PDE4D: variants seen among roughly 807,000 people sequenced by gnomAD.
PDE4D encodes 3',5'-cyclic-AMP phosphodiesterase 4D.
PDE4D carries 24 observed loss-of-function variants against 87.4 expected under a neutral mutation model. That is an observed-to-expected ratio of 0.27 (90% CI 0.20 to 0.39). PDE4D has a LOEUF of 0.39. Among genes scored for constraint, PDE4D ranks in the 10% least tolerant of loss-of-function variants. PDE4D has a pLI of 1.00. For synonymous variants in PDE4D, 384 were observed against 383.2 expected (o/e 1.00, Z -0.02); for missense variants, 714 against 1,041.0 (o/e 0.69, Z 4.32).
At chr5:59,545,974 C>T (rs1172588782) in intron 1 of PDE4D, among the ~76,000 whole-genome samples, 3 of 152,118 alleles carry the variant, frequency 2.0e-5, no homozygotes, top group Non-Finnish European at 2.9e-5. Flanking sequence ...TGAGTCCACC[C>T]CTTCGTATTC....
At chr5:59,528,894 G>C in intron 1 of PDE4D, 1 of 338,584 alleles carries the variant, frequency 3.0e-6, no homozygotes, top group South Asian at 2.4e-5. Flanking sequence ...CATCGCACCT[G>C]GCCACTCTGC....
At chr5:58,982,035 C>T (rs768168232) in intron 11 of PDE4D, among the ~76,000 whole-genome samples, 2 of 152,156 alleles carry the variant, frequency 1.3e-5, no homozygotes, top group Non-Finnish European at 2.9e-5. Flanking sequence ...TCCAGTTCAA[C>T]GGAATCACTG....
At chr5:60,433,019 G>A (rs888127564) in intron 1 of PDE4D, among the ~76,000 whole-genome samples, 4 of 152,072 alleles carry the variant, frequency 2.6e-5, no homozygotes, top group African/African-American at 9.7e-5. Flanking sequence ...CATAGGCCCT[G>A]GCAAAGATTT....
chr5:59,453,866 T>C (rs1231651730), intron 1 of PDE4D, among the ~76,000 whole-genome samples: 2 of 152,230 alleles, frequency 1.3e-5, no homozygotes, highest in Non-Finnish European at 2.9e-5. Flanking sequence ...CAAACTTTTA[T>C]TGGAAGAAGA....
intron 1 of PDE4D, among the ~76,000 whole-genome samples, chr5:59,561,565 G>C (rs2153691840): frequency 6.6e-6 from 1 of 152,316 alleles, no homozygotes; most frequent in African/African-American, 2.4e-5. Flanking sequence ...GTTTAAAGAA[G>C]AGGGTGTACA....
intron 1 of PDE4D, among the ~76,000 whole-genome samples, chr5:59,754,713 T>C (rs924372967): frequency 2.6e-5 from 4 of 151,428 alleles, no homozygotes; most frequent in African/African-American, 9.7e-5. Flanking sequence ...CATTGAGACA[T>C]ACTTTTTAAA....
intron 1 of PDE4D, among the ~76,000 whole-genome samples, chr5:60,390,062 C>A (rs993938018): frequency 6.6e-6 from 1 of 152,230 alleles, no homozygotes; most frequent in African/African-American, 2.4e-5. Context: ...CTTCCCGGGG[C>A]AAGTGTGTGG....
intron 5 of PDE4D, among the ~76,000 whole-genome samples, chr5:59,168,433 A>T (rs1782229886): frequency 6.6e-6 from 1 of 152,138 alleles, no homozygotes. Context: ...GCCCCTGGGC[A>T]CTCTGGTGAC....
intron 1 of PDE4D, among the ~76,000 whole-genome samples, chr5:59,570,395 G>T (rs1460371371): frequency 6.6e-6 from 1 of 151,934 alleles, no homozygotes; most frequent in Non-Finnish European, 1.5e-5. Context: ...AATAATTCAA[G>T]GACACATTCG....
rs1580001671 is a variant in PDE4D at position 58,972,632 on chromosome 5, A to G, written c.*2032T>C. ...TTGTCAGATACCCACTTTGGCTTCT[A>G]TCTATCTCAATTCTTGAATATCAAT... is the stretch of plus-strand genomic sequence containing the variant. On this transcript the variant is annotated 3_prime_UTR_variant, in exon 15 of 15. Transcript: ENST00000340635. The G allele has an allele frequency of 6.6e-6, 1 of 152,194 alleles. No individual in the cohort carries two copies. Among genetic ancestry groups the G allele is most frequent in the South Asian group, 2.1e-4 (1 of 4,832 alleles). The allele number at this position is 152,194 out of a possible 1,614,324, so 9.4% of individuals were successfully genotyped here.
At chr5:60,318,266 G>A (rs1302709595) in intron 1 of PDE4D, among the ~76,000 whole-genome samples, 2 of 152,098 alleles carry the variant, frequency 1.3e-5, no homozygotes, top group Admixed American at 6.6e-5. Context: ...TTTGATCTTT[G>A]TTGGTTTAAA....
chr5:60,419,263 A>G (rs1195168906), intron 1 of PDE4D, among the ~76,000 whole-genome samples: 1 of 152,196 alleles, frequency 6.6e-6, no homozygotes, highest in African/African-American at 2.4e-5. Context: ...AATTCATGGT[A>G]TTTCATAAAA....
At chr5:59,339,105 C>T (rs1778257810) in intron 1 of PDE4D, among the ~76,000 whole-genome samples, 1 of 152,136 alleles carries the variant, frequency 6.6e-6, no homozygotes, top group Non-Finnish European at 1.5e-5. Flanking sequence ...TACCTTTGTC[C>T]TACACAAAAA....
chr5:59,457,125 A>G (rs1325752561), intron 1 of PDE4D, among the ~76,000 whole-genome samples: 2 of 152,236 alleles, frequency 1.3e-5, no homozygotes, highest in South Asian at 2.1e-4. Flanking sequence ...ATCAAACAGT[A>G]TATTACATGT....
intron 1 of PDE4D, among the ~76,000 whole-genome samples, chr5:59,254,667 T>C (rs573000975): frequency 3.3e-5 from 5 of 152,250 alleles, no homozygotes; most frequent in African/African-American, 9.6e-5. Flanking sequence ...ATGAATCAAA[T>C]TTTCAATTGA....
chr5:60,418,839 TTCC>T (rs1434448134), intron 1 of PDE4D, among the ~76,000 whole-genome samples: 3 of 152,182 alleles, frequency 2.0e-5, no homozygotes, highest in African/African-American at 7.2e-5. Flanking sequence ...TTTCTATTTT[TTCC>T]TCATTAACCA....
chr5:59,805,203 T>C (rs1235687416), intron 1 of PDE4D, among the ~76,000 whole-genome samples: 3 of 152,314 alleles, frequency 2.0e-5, no homozygotes, highest in East Asian at 3.9e-4. Context: ...TTGATTTCAG[T>C]CACATGAAGC....
At chr5:59,959,660 G>A (rs1365611287) in intron 3 of PDE4D, among the ~76,000 whole-genome samples, 2 of 152,100 alleles carry the variant, frequency 1.3e-5, no homozygotes, top group Non-Finnish European at 2.9e-5. Flanking sequence ...CTAACCACAT[G>A]CAGAAGAATG....
intron 1 of PDE4D, among the ~76,000 whole-genome samples, chr5:60,306,071 C>T (rs940893659): frequency 1.3e-5 from 2 of 151,924 alleles, no homozygotes; most frequent in African/African-American, 4.8e-5. Context: ...TAGATAGAGG[C>T]AGATGAAAGC....
Sources: gnomAD v4.1 joint callset for allele counts (sites outside exome capture counted in the v4.1 genomes callset) on GRCh38, gnomAD v4.1.1 for gene constraint, MANE v1.5 for transcripts, NCBI Gene and HGNC (gene_info 2026-07-23, HGNC 2026-07-21) for gene names.